SGSH: variants seen among roughly 807,000 people sequenced by gnomAD.
SGSH encodes the protein heparan sulfate sulfatase.
In SGSH, 48 loss-of-function variants were observed where a neutral mutation model predicts 51.0. The ratio of observed to expected loss-of-function variants is 0.94; its 90% confidence interval spans 0.75 to 1.20. SGSH has a LOEUF of 1.20. Among genes scored for constraint, SGSH ranks in the 50% most tolerant of loss-of-function variants. The pLI, the probability that SGSH is intolerant of heterozygous loss-of-function variation, is 0.00. For missense variants in SGSH, 662 were observed against 717.8 expected (o/e 0.92, Z 0.89); for synonymous variants, 321 against 313.4 (o/e 1.02, Z -0.26).
At chr17:80,204,686 C>T (rs536013315), downstream of SGSH, 4 of 382,616 alleles carry the variant, frequency 1.0e-5, no homozygotes, top group East Asian at 1.7e-4. Flanking sequence ...GACCCTGTGC[C>T]CTGGAGGATG....
chr17:80,218,030 C>T (rs185226938), intron 1 of SGSH, among the ~76,000 whole-genome samples: 1 of 152,336 alleles, frequency 6.6e-6, no homozygotes, highest in East Asian at 1.9e-4. Context: ...GATACTCATG[C>T]AGGCATGATG....
Position 80,209,868 on chromosome 17 carries a change from G to T in SGSH, c.*584C>A. On this transcript the variant is annotated 3_prime_UTR_variant, in exon 8 of 8. Coordinates refer to ENST00000326317, the MANE Select transcript of SGSH (RefSeq NM_000199.5). ...CCTGGGGAACAGGGACTTGACCATG[G>T]GGCAAAACAGAAGAAGCAGAAACCT... is the stretch of plus-strand genomic sequence containing the variant. 1 of 990,154 alleles carries T rather than the reference G, an allele frequency of 1.0e-6. No individual in the cohort carries two copies. Among genetic ancestry groups the T allele is most frequent in the Non-Finnish European group, 1.2e-6 (1 of 832,644 alleles). The allele number at this position is 990,154 out of a possible 1,614,324, so 61.3% of individuals were successfully genotyped here.
At chr17:80,202,747 C>A, downstream of SGSH, 1 of 458,012 alleles carries the variant, frequency 2.2e-6, no homozygotes, top group Non-Finnish European at 3.4e-6. Context: ...TATAGAGCAG[C>A]ATCCCTGGCC....
chr17:80,206,020 G>GGCACGGA (rs2041282307), downstream of SGSH: 2 of 182,538 alleles, frequency 1.1e-5, no homozygotes, highest in Non-Finnish European at 2.3e-5. Context: ...ACGGGAAGCC[G>GGCACGGA]AGTCTGGCAT....
downstream of SGSH, chr17:80,205,880 G>T: frequency 2.2e-6 from 1 of 461,374 alleles, no homozygotes; most frequent in Non-Finnish European, 3.8e-6. Flanking sequence ...AGTTTCCTCA[G>T]CTTGGGGGAT....
downstream of SGSH, chr17:80,208,223 T>C (rs1159429082): frequency 1.0e-5 from 16 of 1,566,522 alleles, no homozygotes; most frequent in Non-Finnish European, 1.3e-5. Context: ...CCGGGCGCCC[T>C]GTCTATACAG....
chr17:80,214,688 C>A lies in SGSH; in HGVS notation c.433G>T (p.Val145Phe), dbSNP rs771068876. The A allele has an allele frequency of 1.2e-6, 2 of 1,613,234 alleles. No homozygotes were observed. The highest frequency in any genetic ancestry group is 1.1e-5 in the South Asian group (1 of 91,090). ...DFAYTEENGS[V>F]LQVGRNITRI... ...GTGATGTTCCGCCCCACCTGGAGGA[C>A]GGAGCCATTCTCCTCCGTGTACGCA... The change falls in exon 4 of 8, where the codon GTC becomes TTC. Residue 145 changes from valine to phenylalanine, a missense_variant. Val to Phe is a conservative substitution (Grantham distance 50). Transcript: ENST00000326317.
At position 80,214,618 on chromosome 17, in the gene SGSH, T is replaced by G. The variant is rs774333201; in HGVS notation, c.503A>C (p.Asp168Ala). The stretch of plus-strand genomic sequence containing the variant: ...GGGCAGGGGCCCCGACTCATACCGG[T>G]CATCCTGAGTCTGCAGGAATTTCCG... ...LVRKFLQTQD[D>A]RPFFLYVAFH... Residue 168 changes from aspartate to alanine, a missense_variant, in exon 4 of 8, where the codon GAC becomes GCC. Asp to Ala is a moderately radical substitution (Grantham distance 126, BLOSUM62 -2). Coordinates refer to ENST00000326317, the MANE Select transcript of SGSH (RefSeq NM_000199.5). 4.3e-6 allele frequency: 7 copies of G among 1,612,576 alleles called. No individual in the cohort carries two copies. The highest frequency in any genetic ancestry group is 5.9e-6 in the Non-Finnish European group (7 of 1,179,738).
downstream of SGSH, chr17:80,203,713 C>G: frequency 2.8e-6 from 2 of 721,364 alleles, no homozygotes; most frequent in Admixed American, 5.6e-5. The surrounding 1 kb of genome is among the most constrained non-coding windows in gnomAD (Gnocchi z 4.6). Flanking sequence ...TAGGTGGAGG[C>G]CCTTCTCTCC....
At position 80,220,329 on chromosome 17, in the gene SGSH, G is replaced by A. The variant is rs566268948; in HGVS notation, c.-16C>T. ...GGCAGCTCATGGCGGCGGCGGCTCG[G>A]ACTCGGGATCGGGATCCGGCTCCGG... On this transcript the variant is annotated 5_prime_UTR_variant, in exon 1 of 8. Transcript: ENST00000326317. 176 of 1,483,078 alleles carry A rather than the reference G, an allele frequency of 1.2e-4. No homozygotes were observed. In the African/African-American group the frequency reaches 2.4e-3, roughly 20 times the overall value. The allele number at this position is 1,483,078 out of a possible 1,614,324, so 91.9% of individuals were successfully genotyped here.
rs1292460855 is a variant in SGSH at position 80,213,813 on chromosome 17, T to C, written c.736A>G (p.Met246Val). ...GGTTCTGCAAGCCCACCTTGGTCCATGCGGCCGACGGTGGTGTACTGAGCG... is the reference window on the plus strand; with the variant it reads ...GGTTCTGCAAGCCCACCTTGGTCCACGCGGCCGACGGTGGTGTACTGAGCG... ...LAAQYTTVGR[M>V]DQGVGLVLQE... The change falls in exon 6 of 8, where the codon ATG becomes GTG. Residue 246 changes from methionine to valine, a missense_variant. Transcript: ENST00000326317. This position sits in a 1 kb window ranked among gnomAD's most constrained non-coding sequence, Gnocchi z 4.6. 3.1e-6 allele frequency: 5 copies of C among 1,603,144 alleles called. No individual in the cohort carries two copies. Among genetic ancestry groups the C allele is most frequent in the East Asian group, 2.2e-5 (1 of 44,530 alleles).
At chr17:80,201,859 T>C, downstream of SGSH, 1 of 1,613,318 alleles carries the variant, frequency 6.2e-7, no homozygotes, top group Non-Finnish European at 8.5e-7. This position sits in a 1 kb window ranked among gnomAD's most constrained non-coding sequence, Gnocchi z 5.0. Context: ...TCTGTGAAGG[T>C]CAACACGGAC....
chr17:80,220,256 C>T lies in SGSH; in HGVS notation c.58G>A (p.Ala20Thr), dbSNP rs1265389382. The T allele has an allele frequency of 6.6e-7, 1 of 1,523,262 alleles. No homozygotes were observed. The allele number at this position is 1,523,262 out of a possible 1,614,324, so 94.4% of individuals were successfully genotyped here. The change falls in exon 1 of 8, where the codon GCG (alanine) becomes ACG (threonine). Residue 20 changes from alanine to threonine, a missense_variant. Transcript: ENST00000326317. ...AGCAGCAGTGCGTTCCGGGGACGCG[C>T]CCGGCAGAGCCCCAGGACTAGCAGC... Reference protein sequence around the residue: ...ALLLVLGLCRARPRNALLLLA... With the variant: ...ALLLVLGLCRTRPRNALLLLA...
Position 80,210,656 on chromosome 17 carries a change from G to A in SGSH, c.1305C>T (p.Arg435=), listed in dbSNP as rs1022503038. 1 of 1,614,060 alleles carries A rather than the reference G, an allele frequency of 6.2e-7. No homozygotes were observed. ...CCCGGCTCCGGTCGTAGAGCTCCCA[G>A]CGCGCCCGGTAGTAGTAATGACGGA... The part of the protein sequence containing the change: ...KDLRHYYYRA[R]WELYDRSRDP... The change falls in exon 8 of 8, where the codon CGC becomes CGT. Residue 435 remains arginine (R), a synonymous_variant. Coordinates refer to ENST00000326317, the MANE Select transcript of SGSH (RefSeq NM_000199.5).
chr17:80,201,760 C>T, downstream of SGSH: 4 of 1,614,024 alleles, frequency 2.5e-6, no homozygotes, highest in Non-Finnish European at 3.4e-6. This position sits in a 1 kb window ranked among gnomAD's most constrained non-coding sequence, Gnocchi z 5.0. Flanking sequence ...TACGAAGCCT[C>T]AGAGCCCTTG....
chr17:80,206,027 G>C (rs996031886), downstream of SGSH: 2 of 180,088 alleles, frequency 1.1e-5, no homozygotes, highest in African/African-American at 4.7e-5. Flanking sequence ...GCCGAGTCTG[G>C]CATCTGCGTG....
Position 80,210,354 on chromosome 17 carries a change from G to A in SGSH, c.*98C>T, listed in dbSNP as rs2041584944. The A allele has an allele frequency of 6.8e-7, 1 of 1,463,562 alleles. No individual in the cohort carries two copies. The highest frequency in any genetic ancestry group is 9.0e-7 in the Non-Finnish European group (1 of 1,108,826). The allele number at this position is 1,463,562 out of a possible 1,614,324, so 90.7% of individuals were successfully genotyped here. A position where few individuals can be genotyped will look rare whatever the true frequency, so the allele number is the denominator to read the frequency against. ...CCTTGGATGGGAGTGTGGACGGAAG[G>A]GCTGTTGCCACTACTCCCCAGGCTG... On this transcript the variant is annotated 3_prime_UTR_variant, in exon 8 of 8. Transcript: ENST00000326317.
the SGSH span, chr17:80,200,677 T>C: frequency 6.6e-6 from 1 of 152,224 alleles, no homozygotes; most frequent in Non-Finnish European, 1.5e-5. Flanking sequence ...GTTACATTGA[T>C]TGTACACTTT....
downstream of SGSH, chr17:80,209,079 C>T (rs1162125062): frequency 6.4e-6 from 1 of 155,516 alleles, no homozygotes. Flanking sequence ...TCTGCCTTCC[C>T]CTGACCTGGC....
Sources: allele counts gnomAD v4.1 joint callset (sites outside exome capture counted in the v4.1 genomes callset), GRCh38; gene constraint gnomAD v4.1.1; non-coding constraint Gnocchi (gnomAD v3.1); transcripts MANE v1.5; gene names NCBI Gene and HGNC (gene_info 2026-07-23, HGNC 2026-07-21).